The following HDAC8 variants were observed in gnomAD, a reference collection of about 807,000 sequenced individuals.
The protein encoded by HDAC8 is histone deacetylase-like 1.
In HDAC8, 1 loss-of-function variant was observed where a neutral mutation model predicts 32.2. That is an observed-to-expected ratio of 0.03 (90% confidence interval 0.01 to 0.15). HDAC8 has a LOEUF of 0.15. Among genes scored for constraint, HDAC8 ranks in the 10% least tolerant of loss-of-function variants. The probability of loss-of-function intolerance (pLI) is 1.00; values close to 1 mark genes in which losing one functional copy is unlikely to be tolerated. For missense variants in HDAC8, 117 were observed against 300.0 expected, an observed-to-expected ratio of 0.39 and a Z score of 4.51; for synonymous variants, 108 against 113.9, an observed-to-expected ratio of 0.95 and a Z score of 0.33.
intron 4 of HDAC8, among the ~76,000 whole-genome samples, chrX:72,525,813 C>CAAAAAAAAAAA (rs57801277): frequency 4.6e-5 from 1 of 21,555 alleles, no homozygotes; most frequent in African/African-American, 1.5e-4. Flanking sequence ...GACTCTGTCT[C>CAAAAAAAAAAA]AAAAAAAAAA....
chrX:72,533,425 T>G (rs1238611282), intron 4 of HDAC8, among the ~76,000 whole-genome samples: 2 of 111,766 alleles, frequency 1.8e-5, no homozygotes, highest in African/African-American at 6.5e-5. Flanking sequence ...ACTGGTGAAT[T>G]CTACCAAACA....
At chrX:72,383,790 A>G (rs1436920041) in intron 9 of HDAC8, among the ~76,000 whole-genome samples, 1 of 106,380 alleles carries the variant, frequency 9.4e-6, no homozygotes, top group African/African-American at 3.5e-5. Context: ...GAATGGTGTG[A>G]ACCCGGGAGG....
chrX:72,361,644 G>A (rs1459781013), intron 9 of HDAC8, among the ~76,000 whole-genome samples: 7 of 109,146 alleles, frequency 6.4e-5, no homozygotes, highest in African/African-American at 2.0e-4. Flanking sequence ...GCGTGTATAT[G>A]TTTGCATGTG....
intron 9 of HDAC8, among the ~76,000 whole-genome samples, chrX:72,424,716 A>G (rs1048754890): frequency 5.4e-5 from 6 of 110,427 alleles, no homozygotes; most frequent in Admixed American, 9.7e-5. Context: ...TAACTCCCCA[A>G]CCCCCACTTC....
In HDAC8 at chrX:72,338,703, T is replaced by TTA. The variant is rs2043800892; in HGVS notation, c.1112-8629_1112-8628dup. ...TATATACAAATATATATATATATAT[T>TTA]TATATATATATAATTTTTTTATTTT... On this transcript the variant is annotated intron_variant, in intron 10 of 10. Coordinates refer to ENST00000373573, the MANE Select transcript of HDAC8 (RefSeq NM_018486.3). 9.5e-5 allele frequency among the ~76,000 whole-genome samples: 6 copies of TTA among 63,162 alleles called. No individual in the cohort carries two copies. In the South Asian group the frequency reaches 3.0e-3, roughly 31 times the overall value. The allele number at this position is 63,162 out of a possible 115,157, so 54.8% of individuals were successfully genotyped here.
At chrX:72,502,271 G>T (rs1556016509) in intron 4 of HDAC8, among the ~76,000 whole-genome samples, 1 of 111,987 alleles carries the variant, frequency 8.9e-6, no homozygotes, top group Non-Finnish European at 1.9e-5. Flanking sequence ...CCACTACTGT[G>T]TATATACCAA....
rs1366955358 is a variant in HDAC8 at position 72,416,561 on chromosome X, T to C, written c.1005+45443A>G. On this transcript the variant is annotated intron_variant, in intron 9 of 10. Coordinates refer to ENST00000373573, the MANE Select transcript of HDAC8 (RefSeq NM_018486.3). The stretch of plus-strand genomic sequence containing the variant: ...TCTCATTTGTTTCTGTTCATTATTA[T>C]AACCTTCCTTCTACTTGCTTTGGTT... Among the ~76,000 whole-genome samples, 6 of 104,914 alleles carry C rather than the reference T, an allele frequency of 5.7e-5. No individual in the cohort carries two copies. In the Admixed American group the frequency reaches 6.3e-4, roughly 11 times the overall value. The allele number at this position is 104,914 out of a possible 115,157, so 91.1% of individuals were successfully genotyped here.
At chrX:72,505,633 A>G (rs1364893348) in intron 4 of HDAC8, among the ~76,000 whole-genome samples, 1 of 110,918 alleles carries the variant, frequency 9.0e-6, no homozygotes, top group Non-Finnish European at 1.9e-5. Context: ...ATCTTCACAA[A>G]AAGTTTTAAA....
chrX:72,484,746 T>C (rs2048617546), intron 7 of HDAC8, among the ~76,000 whole-genome samples: 1 of 111,871 alleles, frequency 8.9e-6, no homozygotes, highest in Non-Finnish European at 1.9e-5. Flanking sequence ...GATTTCAGAA[T>C]AGTGCCCTAC....
intron 9 of HDAC8, among the ~76,000 whole-genome samples, chrX:72,400,015 A>G (rs782133850): frequency 8.9e-6 from 1 of 111,784 alleles, no homozygotes; most frequent in East Asian, 2.8e-4. Flanking sequence ...TCTCAGCAGC[A>G]TATGACACAG....
Position 72,351,380 on chromosome X carries a change from G to A in HDAC8, c.1111+353C>T, listed in dbSNP as rs2044175788. The A allele has an allele frequency of 1.5e-5, 3 of 206,164 alleles. No homozygotes were observed. The Admixed American group carries it at 2.1e-4, about 14-fold the overall frequency. The allele number at this position is 206,164 out of a possible 1,213,427, so 17.0% of individuals were successfully genotyped here. A position where few individuals can be genotyped will look rare whatever the true frequency, so the allele number is the denominator to read the frequency against. On this transcript the variant is annotated intron_variant, in intron 10 of 10. Transcript: ENST00000373573. Reference sequence around the variant, plus strand: ...CACCCAAAGTGCTGGGATGACAGGCGTAAGCCACGGTGCCCGGCCAACTTT... The same window carrying A: ...CACCCAAAGTGCTGGGATGACAGGCATAAGCCACGGTGCCCGGCCAACTTT...
At chrX:72,382,462 T>C (rs1652335548) in intron 9 of HDAC8, among the ~76,000 whole-genome samples, 1 of 112,265 alleles carries the variant, frequency 8.9e-6, no homozygotes, top group Admixed American at 9.5e-5. Flanking sequence ...CTGGCTTCCT[T>C]TCAGTTTCAG....
rs138407514 is a variant in HDAC8 at position 72,567,053 on chromosome X, G to A, written c.437+836C>T. 4.2e-3 allele frequency among the ~76,000 whole-genome samples: 470 copies of A among 112,217 alleles called. 3 individuals carry two copies. Among genetic ancestry groups the A allele is most frequent in the Non-Finnish European group, 6.8e-3 (360 of 53,215 alleles). ...CCAGCTACTCAGGAGGCTGAGGCAGGAGAATCACTTGAACTGGGAAGGAGG... is the reference window on the plus strand; with the variant it reads ...CCAGCTACTCAGGAGGCTGAGGCAGAAGAATCACTTGAACTGGGAAGGAGG... On this transcript the variant is annotated intron_variant, in intron 4 of 10. Transcript: ENST00000373573.
intron 4 of HDAC8, among the ~76,000 whole-genome samples, chrX:72,559,534 G>C (rs1427450893): frequency 9.6e-6 from 1 of 103,730 alleles, no homozygotes; most frequent in African/African-American, 3.6e-5. Context: ...GCCGCCCATC[G>C]TCTGGGATGT....
intron 9 of HDAC8, among the ~76,000 whole-genome samples, chrX:72,375,875 T>C (rs1303181774): frequency 8.9e-6 from 1 of 112,050 alleles, no homozygotes; most frequent in Non-Finnish European, 1.9e-5. Flanking sequence ...AATTGACTAG[T>C]GAAACCATAT....
intron 5 of HDAC8, among the ~76,000 whole-genome samples, chrX:72,493,462 C>A (rs782556160): frequency 1.5e-4 from 17 of 111,222 alleles, no homozygotes; most frequent in Non-Finnish European, 2.8e-4. Context: ...TATGGCCCAG[C>A]AATCTGCATT....
Position 72,446,229 on chromosome X carries a change from C to T in HDAC8, c.1005+15775G>A, listed in dbSNP as rs192841478. 2.9e-3 allele frequency among the ~76,000 whole-genome samples: 328 copies of T among 112,068 alleles called. 2 individuals carry two copies. The highest frequency in any genetic ancestry group is 9.3e-3 in the African/African-American group (288 of 30,850). ...TAAATCATGCTGCTATAAAGACACA[C>T]GCACACGTATGTTTATTGTGGCAAT... is the stretch of plus-strand genomic sequence containing the variant. On this transcript the variant is annotated intron_variant, in intron 9 of 10. Coordinates refer to ENST00000373573, the MANE Select transcript of HDAC8 (RefSeq NM_018486.3).
At chrX:72,520,643 A>T (rs1468385606) in intron 4 of HDAC8, among the ~76,000 whole-genome samples, 2 of 112,470 alleles carry the variant, frequency 1.8e-5, no homozygotes, top group African/African-American at 6.5e-5. Flanking sequence ...GAAAATCAAC[A>T]TCAATTCAAG....
intron 7 of HDAC8, chrX:72,474,568 C>T (rs945062115): frequency 9.6e-5 from 112 of 1,168,212 alleles, no homozygotes; most frequent in Non-Finnish European, 1.3e-5. Context: ...AGTAACTTCC[C>T]TATAAACATA....
Sources: gnomAD v4.1 joint callset for allele counts (sites outside exome capture counted in the v4.1 genomes callset) on GRCh38, gnomAD v4.1.1 for gene constraint, MANE v1.5 for transcripts, NCBI Gene and HGNC (gene_info 2026-07-23, HGNC 2026-07-21) for gene names.